Variants in CUL3 observed in about 807,000 individuals in gnomAD.
The protein encoded by CUL3 is cullin 3, also known as cullin-3.
In CUL3, 19 loss-of-function variants were observed where a neutral mutation model predicts 89.1. That is an observed-to-expected ratio of 0.21 (90% confidence interval 0.15 to 0.31). The LOEUF (loss-of-function observed/expected upper bound fraction) is 0.31. Among genes scored for constraint, CUL3 ranks in the 10% least tolerant of loss-of-function variants. The probability of loss-of-function intolerance (pLI) is 1.00; values close to 1 mark genes in which losing one functional copy is unlikely to be tolerated. For synonymous variants in CUL3, 351 were observed against 308.4 expected (o/e 1.14, Z -1.45); for missense variants, 469 against 942.3 (o/e 0.50, Z 6.58).
At chr2:224,550,379 G>A (rs2106291389) in intron 2 of CUL3, among the ~76,000 whole-genome samples, 1 of 152,296 alleles carries the variant, frequency 6.6e-6, no homozygotes, top group Non-Finnish European at 1.5e-5. Context: ...ATTTTCCACT[G>A]TGGCATCATG....
intron 3 of CUL3, among the ~76,000 whole-genome samples, chr2:224,520,732 G>A (rs1028661133): frequency 6.6e-6 from 1 of 152,126 alleles, no homozygotes; most frequent in Non-Finnish European, 1.5e-5. Context: ...CTCTTTGCAT[G>A]CCCAGAAGAC....
intron 4 of CUL3, 130 bp downstream of exon 4, chr2:224,514,482 G>A: frequency 1.4e-6 from 1 of 713,824 alleles, no homozygotes; most frequent in Non-Finnish European, 2.1e-6. Flanking sequence ...CTGATACTAA[G>A]TTTCTGAGGA....
chr2:224,561,971 G>C (rs1257843986), intron 1 of CUL3, among the ~76,000 whole-genome samples: 1 of 152,166 alleles, frequency 6.6e-6, no homozygotes, highest in Non-Finnish European at 1.5e-5. Flanking sequence ...AAGCCTCAAA[G>C]ATACCTATAC....
chr2:224,537,243 G>A (rs1693930699), intron 2 of CUL3, among the ~76,000 whole-genome samples: 1 of 152,086 alleles, frequency 6.6e-6, no homozygotes, highest in Non-Finnish European at 1.5e-5. Context: ...CACTGTGGAA[G>A]AATAAATTCA....
chr2:224,548,804 C>A (rs901557936), intron 2 of CUL3, among the ~76,000 whole-genome samples: 1 of 150,794 alleles, frequency 6.6e-6, no homozygotes, highest in Non-Finnish European at 1.5e-5. Flanking sequence ...TCGAGACCAG[C>A]CTGGGCAACA....
chr2:224,492,577 C>CA (rs1298515326), intron 13 of CUL3, among the ~76,000 whole-genome samples: 10 of 152,220 alleles, frequency 6.6e-5, no homozygotes, highest in Non-Finnish European at 1.5e-4. Context: ...TACAGACTAC[C>CA]ACTGTATGTA....
intron 11 of CUL3, among the ~76,000 whole-genome samples, chr2:224,498,719 G>A (rs1465968035): frequency 6.6e-6 from 1 of 152,196 alleles, no homozygotes; most frequent in Non-Finnish European, 1.5e-5. Context: ...TGACCAGGGT[G>A]AAGCAGGACT....
chr2:224,535,914 AGT>A (rs1169397653), intron 2 of CUL3, among the ~76,000 whole-genome samples: 1 of 152,184 alleles, frequency 6.6e-6, no homozygotes, highest in Admixed American at 6.5e-5. Flanking sequence ...TCATTGTCAG[AGT>A]AAAATCCTAT....
chr2:224,548,383 TA>T (rs1401105022), intron 2 of CUL3, among the ~76,000 whole-genome samples: 1 of 152,208 alleles, frequency 6.6e-6, no homozygotes, highest in Non-Finnish European at 1.5e-5. Context: ...AGTAAGATAT[TA>T]TTTGAAGAAT....
In CUL3 at chr2:224,470,620, T is replaced by G. The variant is rs1691095324; in HGVS notation, c.*3625A>C. ...GTACATGCCTATCTGTGGTACCCAC[T>G]TAAGTATGTAAAACTTTCTCTAAGA... On this transcript the variant is annotated 3_prime_UTR_variant, in exon 16 of 16. Transcript: ENST00000264414. 8.6e-6 allele frequency: 2 copies of G among 231,944 alleles called. No individual in the cohort carries two copies. The highest frequency in any genetic ancestry group is 4.4e-5 in the African/African-American group (2 of 45,312). The allele number at this position is 231,944 out of a possible 1,614,324, so 14.4% of individuals were successfully genotyped here.
In CUL3 at chr2:224,511,382, T is replaced by C. The variant is rs1281180351; in HGVS notation, c.855A>G (p.Val285=). 3 of 1,612,142 alleles carry C rather than the reference T, an allele frequency of 1.9e-6. No homozygotes were observed. Among genetic ancestry groups the C allele is most frequent in the Non-Finnish European group, 2.5e-6 (3 of 1,178,830 alleles). Residue 285 remains valine (V), a synonymous_variant, in exon 6 of 16, where the codon GTA becomes GTG. Coordinates refer to ENST00000264414, the MANE Select transcript of CUL3 (RefSeq NM_003590.5). The part of the protein sequence containing the change: ...TIVEMENSGL[V]HMLKNGKTED... ...CTGTCTTTCCATTTTTCAACATATG[T>C]ACTAGCCCAGAATTCTCCATTTCTA...
chr2:224,549,846 A>G (rs190173513), intron 2 of CUL3, among the ~76,000 whole-genome samples: 13 of 152,228 alleles, frequency 8.5e-5, no homozygotes, highest in African/African-American at 3.1e-4. Context: ...TGACTTACAT[A>G]TACACATATA....
intron 6 of CUL3, among the ~76,000 whole-genome samples, chr2:224,510,991 C>G (rs6743228): frequency 1.1e-3 from 166 of 152,026 alleles, no homozygotes; most frequent in South Asian, 2.7e-3. Context: ...AAGAGAATCA[C>G]AAAACCCCAA....
intron 1 of CUL3, among the ~76,000 whole-genome samples, chr2:224,559,908 C>T (rs1258310212): frequency 1.3e-5 from 2 of 152,070 alleles, no homozygotes; most frequent in East Asian, 3.9e-4. Context: ...ATGGCAAAAA[C>T]CCATCTCTAC....
At chr2:224,569,570 TA>T in intron 1 of CUL3, 1 of 361,174 alleles carries the variant, frequency 2.8e-6, no homozygotes, top group Non-Finnish European at 3.9e-6. Context: ...AATAAATCTA[TA>T]ATGGTCTTTG....
intron 1 of CUL3, among the ~76,000 whole-genome samples, chr2:224,580,541 A>C (rs1695409891): frequency 6.6e-6 from 1 of 152,174 alleles, no homozygotes; most frequent in Non-Finnish European, 1.5e-5. Flanking sequence ...AAAATTAGCC[A>C]GACGTGGTGG....
intron 2 of CUL3, among the ~76,000 whole-genome samples, chr2:224,557,425 T>C (rs1018069050): frequency 2.6e-5 from 4 of 152,154 alleles, no homozygotes; most frequent in Non-Finnish European, 5.9e-5. Context: ...TTTGCTTCAT[T>C]ATGATTTAAA....
Position 224,523,844 on chromosome 2 carries a change from T to A in CUL3, c.379-9072A>T, listed in dbSNP as rs1010670739. Among the ~76,000 whole-genome samples, 3 of 152,116 alleles carry A rather than the reference T, an allele frequency of 2.0e-5. No homozygotes were observed. In the East Asian group the frequency reaches 5.8e-4, roughly 29 times the overall value. Reference sequence around the variant, plus strand: ...CAAACACCTTATGATTCCACTTACATGAGGTAATGAGTGATCAAATCATAA... The same window carrying A: ...CAAACACCTTATGATTCCACTTACAAGAGGTAATGAGTGATCAAATCATAA... On this transcript the variant is annotated intron_variant, in intron 3 of 15. Coordinates refer to ENST00000264414, the MANE Select transcript of CUL3 (RefSeq NM_003590.5).
chr2:224,531,087 C>G (rs1280888913), intron 3 of CUL3, among the ~76,000 whole-genome samples: 1 of 123,858 alleles, frequency 8.1e-6, no homozygotes, highest in Non-Finnish European at 1.7e-5. Context: ...CCTAAAATAG[C>G]CTTTTTTTTT....
Sources: allele counts gnomAD v4.1 joint callset (sites outside exome capture counted in the v4.1 genomes callset), GRCh38; gene constraint gnomAD v4.1.1; transcripts MANE v1.5; gene names NCBI Gene and HGNC (gene_info 2026-07-23, HGNC 2026-07-21).